Variants in AGBL1 observed in about 807,000 individuals in gnomAD.
The protein encoded by AGBL1 is cytosolic carboxypeptidase 4.
A neutral mutation model predicts 118.9 loss-of-function variants in AGBL1; 130 were observed. That is an observed-to-expected ratio of 1.09 (90% CI 0.95 to 1.26). The LOEUF is 1.26. AGBL1 is among the 50% of genes most tolerant of loss of function. The pLI is 0.00. For synonymous variants in AGBL1, 555 were observed against 478.9 expected, an observed-to-expected ratio of 1.16 and a Z score of -2.08; for missense variants, 1,584 against 1,298.1, an observed-to-expected ratio of 1.22 and a Z score of -3.38.
rs139890516 is a variant in AGBL1 at position 86,637,568 on chromosome 15, A to G, written c.2995-36705A>G. 2.0e-3 allele frequency among the ~76,000 whole-genome samples: 299 copies of G among 152,324 alleles called. 1 individual carries two copies. The Middle Eastern group carries it at 0.027, about 14-fold the overall frequency. On this transcript the variant is annotated intron_variant, in intron 21 of 22. Transcript: ENST00000614907. ...GCTATGGGAATTCTTTGGAGCTACA[A>G]AAATATTATGTACAATATAAAGTAT...
At chr15:86,216,905 G>A (rs529961455) in intron 5 of AGBL1, among the ~76,000 whole-genome samples, 1 of 152,118 alleles carries the variant, frequency 6.6e-6, no homozygotes, top group Admixed American at 6.6e-5. Context: ...CCTTGAACAG[G>A]TCAGGGCTAT....
At chr15:86,848,070 T>C (rs970817598) in intron 22 of AGBL1, among the ~76,000 whole-genome samples, 2 of 152,104 alleles carry the variant, frequency 1.3e-5, no homozygotes, top group African/African-American at 4.8e-5. Context: ...GTCAATCCTC[T>C]TTTTCAGTGA....
At chr15:86,159,594 T>C (rs1267123201) in intron 5 of AGBL1, among the ~76,000 whole-genome samples, 4 of 152,026 alleles carry the variant, frequency 2.6e-5, no homozygotes, top group Non-Finnish European at 4.4e-5. Flanking sequence ...CTGCCTCTGC[T>C]TGCTGGAGTG....
chr15:86,661,050 C>G (rs1247484405), intron 21 of AGBL1, among the ~76,000 whole-genome samples: 1 of 152,154 alleles, frequency 6.6e-6, no homozygotes, highest in Non-Finnish European at 1.5e-5. Flanking sequence ...ACCTGCTTAG[C>G]TCTTTCACCT....
rs1450238139 is a variant in AGBL1 at position 86,095,678 on chromosome 15, C to G, written c.51+15655C>G. ...TTTTTTTTTTTTTTTTTTTTTTTAC[C>G]TTACAGCAATTCCCAGAAGATACTG... On this transcript the variant is annotated intron_variant, in intron 1 of 22. Coordinates refer to ENST00000614907, the MANE Select transcript of AGBL1 (RefSeq NM_001386094.1). Among the ~76,000 whole-genome samples, 8 of 100,952 alleles carry G rather than the reference C, an allele frequency of 7.9e-5. No individual in the cohort carries two copies. The Admixed American group carries it at 1.0e-3, about 13-fold the overall frequency. 66.2% of individuals were successfully genotyped at this position (100,952 alleles called of 152,430 possible). A position where few individuals can be genotyped will look rare whatever the true frequency, so the allele number is the denominator to read the frequency against.
At chr15:86,527,143 C>T (rs2083279251) in intron 19 of AGBL1, among the ~76,000 whole-genome samples, 1 of 152,100 alleles carries the variant, frequency 6.6e-6, no homozygotes. Context: ...CAGCAGGTCA[C>T]AATTTGAAAA....
intron 22 of AGBL1, among the ~76,000 whole-genome samples, chr15:86,730,683 A>G (rs1190342282): frequency 2.0e-5 from 3 of 152,344 alleles, no homozygotes; most frequent in East Asian, 3.9e-4. Context: ...CAATAATGAT[A>G]GTTATTACAA....
rs554069744 is a variant in AGBL1 at position 86,882,480 on chromosome 15, C to CTA, written c.3159-24606_3159-24605dup. On this transcript the variant is annotated intron_variant, in intron 22 of 22. Transcript: ENST00000614907. ...TGCCAAATCTGAGTTGGTTCTGACACTACTAATTTTGAGTTGAGTGACCTT... is the reference window on the plus strand; with the variant it reads ...TGCCAAATCTGAGTTGGTTCTGACACTATACTAATTTTGAGTTGAGTGACCTT... Among the ~76,000 whole-genome samples the CTA allele has an allele frequency of 1.8e-4, 27 of 152,340 alleles. No homozygotes were observed. In the South Asian group the frequency reaches 5.4e-3, roughly 30 times the overall value.
chr15:86,701,179 A>G (rs760418083), intron 22 of AGBL1, among the ~76,000 whole-genome samples: 8 of 152,104 alleles, frequency 5.3e-5, no homozygotes, highest in Admixed American at 2.6e-4. Context: ...TGCTGGGAGA[A>G]TTTCAGCCTG....
intron 3 of AGBL1, among the ~76,000 whole-genome samples, chr15:86,145,435 T>A (rs894258567): frequency 1.3e-5 from 2 of 152,196 alleles, no homozygotes; most frequent in African/African-American, 4.8e-5. Flanking sequence ...ATGCAGACAT[T>A]GCAAACGAGT....
intron 21 of AGBL1, among the ~76,000 whole-genome samples, chr15:86,626,837 T>TG (rs1491395625): frequency 7.2e-5 from 1 of 13,948 alleles, no homozygotes; most frequent in Non-Finnish European, 3.6e-4. Context: ...TATACTTTTC[T>TG]TTTTTTTTTT....
chr15:86,529,583 A>G (rs10775240), intron 19 of AGBL1, among the ~76,000 whole-genome samples: 54,596 of 97,382 alleles, frequency 0.56, 15,884 homozygotes, highest in African/African-American at 0.8. Context: ...GCAGGCCAAC[A>G]TTCAGATTCA....
intron 22 of AGBL1, among the ~76,000 whole-genome samples, chr15:86,681,266 CAT>C (rs1201940354): frequency 1.3e-5 from 2 of 152,174 alleles, no homozygotes; most frequent in Admixed American, 6.5e-5. Context: ...TTGCTGATAA[CAT>C]ATTTTAATTT....
chr15:86,190,172 A>G (rs2077696790), intron 5 of AGBL1, among the ~76,000 whole-genome samples: 1 of 152,210 alleles, frequency 6.6e-6, no homozygotes, highest in South Asian at 2.1e-4. Context: ...ATGCACCTTA[A>G]AAATACATAT....
chr15:86,267,000 GA>G lies in AGBL1; in HGVS notation c.1763del (p.Asp588AlafsTer37). ...FSLDEPWPLQDNASNCLRFFS... is the reference protein window; with the variant it reads ...FSLDEPWPLQXNASNCLRFFS... The stretch of plus-strand genomic sequence containing the variant: ...CTTATTTCATTGTAGGCCTTTGCAA[GA>G]CAATGCTTCCAATTGTTTACGGTTC... On this transcript the variant is annotated frameshift_variant, in exon 13 of 23. Transcript: ENST00000614907. LOFTEE classifies it high-confidence loss of function. The G allele has an allele frequency of 3.8e-6, 6 of 1,569,138 alleles. No individual in the cohort carries two copies. Among genetic ancestry groups the G allele is most frequent in the Non-Finnish European group, 5.2e-6 (6 of 1,155,680 alleles).
intron 21 of AGBL1, among the ~76,000 whole-genome samples, chr15:86,649,851 T>C (rs1365876928): frequency 1.3e-5 from 2 of 152,172 alleles, no homozygotes; most frequent in African/African-American, 4.8e-5. Flanking sequence ...ATTTTTACTT[T>C]TGTAAATCTA....
At chr15:86,534,193 T>C (rs1386877301) in intron 19 of AGBL1, among the ~76,000 whole-genome samples, 1 of 151,140 alleles carries the variant, frequency 6.6e-6, no homozygotes, top group Non-Finnish European at 1.5e-5. Flanking sequence ...GAGTCAGGTC[T>C]ACAAGGAAAC....
At chr15:86,754,865 A>G (rs994108889) in intron 22 of AGBL1, among the ~76,000 whole-genome samples, 3 of 151,954 alleles carry the variant, frequency 2.0e-5, no homozygotes, top group South Asian at 2.1e-4. Context: ...TTACCTGGCA[A>G]TTGTAGCTCA....
At chr15:86,292,011 C>A (rs2079554319) in intron 16 of AGBL1, among the ~76,000 whole-genome samples, 1 of 152,272 alleles carries the variant, frequency 6.6e-6, no homozygotes, top group South Asian at 2.1e-4. Flanking sequence ...CTTTCTGGAA[C>A]ATCACAAGAA....
Sources: gnomAD v4.1 joint callset for allele counts (sites outside exome capture counted in the v4.1 genomes callset) on GRCh38, gnomAD v4.1.1 for gene constraint, MANE v1.5 for transcripts, NCBI Gene and HGNC (gene_info 2026-07-23, HGNC 2026-07-21) for gene names.